CNTN4: variants seen among roughly 807,000 people sequenced by gnomAD.
CNTN4 encodes contactin 4, also known as contactin-4.
Under a neutral mutation model 122.5 loss-of-function variants are expected in CNTN4, and 77 were observed. That is an observed-to-expected ratio of 0.63 (90% CI 0.52 to 0.76). The LOEUF (loss-of-function observed/expected upper bound fraction) is 0.76. Ranked by LOEUF, CNTN4 falls within the 30% of genes least tolerant of loss-of-function variation. CNTN4 has a pLI of 0.00. For missense variants in CNTN4, 1,256 were observed against 1,259.1 expected (o/e 1.00, Z 0.04); for synonymous variants, 512 against 447.0 (o/e 1.15, Z -1.83).
At chr3:2,502,738 C>T (rs1442972962) in intron 3 of CNTN4, among the ~76,000 whole-genome samples, 1 of 152,136 alleles carries the variant, frequency 6.6e-6, no homozygotes, top group Non-Finnish European at 1.5e-5. Context: ...GAAGAAAGGG[C>T]TTTCCATATG....
intron 13 of CNTN4, among the ~76,000 whole-genome samples, chr3:2,987,298 G>A (rs1694668563): frequency 6.6e-6 from 1 of 152,216 alleles, no homozygotes; most frequent in Non-Finnish European, 1.5e-5. Context: ...GCTCCAGCAA[G>A]AAATTTTTTC....
chr3:2,673,747 T>G (rs1409446719), intron 4 of CNTN4, among the ~76,000 whole-genome samples: 1 of 152,116 alleles, frequency 6.6e-6, no homozygotes, highest in Non-Finnish European at 1.5e-5. Context: ...TTTCACCATG[T>G]TAGCCAGGAT....
rs182772627 is a variant in CNTN4 at position 2,426,797 on chromosome 3, C to T, written c.-89+87564C>T. On this transcript the variant is annotated intron_variant, in intron 3 of 24. Transcript: ENST00000418658. ...TTCAACTTCTTCCTGGTTTAGTCTTCGGAGGGTGTATGTGTCCAGAAATTT... is the reference window on the plus strand; with the variant it reads ...TTCAACTTCTTCCTGGTTTAGTCTTTGGAGGGTGTATGTGTCCAGAAATTT... 6.6e-5 allele frequency among the ~76,000 whole-genome samples: 10 copies of T among 151,996 alleles called. 1 individual carries two copies. The highest frequency in any genetic ancestry group is 5.8e-4 in the East Asian group (3 of 5,176).
chr3:2,901,574 T>C (rs556223444), intron 11 of CNTN4, among the ~76,000 whole-genome samples: 1 of 152,266 alleles, frequency 6.6e-6, no homozygotes, highest in South Asian at 2.1e-4. Context: ...ATTGCAGGGG[T>C]ATAGGTACCT....
intron 4 of CNTN4, among the ~76,000 whole-genome samples, chr3:2,632,064 G>GCACA (rs35316929): frequency 0.45 from 64,511 of 143,714 alleles, 14,253 homozygotes; most frequent in East Asian, 0.71. Context: ...ATACACATAC[G>GCACA]CACACACACA....
intron 2 of CNTN4, among the ~76,000 whole-genome samples, chr3:2,310,766 T>C (rs1327983856): frequency 6.6e-6 from 1 of 152,130 alleles, no homozygotes; most frequent in Non-Finnish European, 1.5e-5. Context: ...CTCCACTACC[T>C]AAAACTCACT....
chr3:2,559,006 G>C (rs1002380253), intron 3 of CNTN4, among the ~76,000 whole-genome samples: 1 of 152,188 alleles, frequency 6.6e-6, no homozygotes, highest in Non-Finnish European at 1.5e-5. Context: ...GAACCAGTTA[G>C]TGTTTGCCCG....
chr3:2,664,088 T>G (rs1002131760), intron 4 of CNTN4, among the ~76,000 whole-genome samples: 1 of 152,190 alleles, frequency 6.6e-6, no homozygotes, highest in African/African-American at 2.4e-5. Context: ...AATTTGATTG[T>G]GATGATGGCT....
At chr3:2,971,972 T>C (rs928769674) in intron 13 of CNTN4, among the ~76,000 whole-genome samples, 1 of 152,188 alleles carries the variant, frequency 6.6e-6, no homozygotes, top group Non-Finnish European at 1.5e-5. Flanking sequence ...AAAATTATGC[T>C]GGAGATAGGT....
chr3:2,991,011 T>C (rs1382412632), intron 14 of CNTN4, among the ~76,000 whole-genome samples: 6 of 152,160 alleles, frequency 3.9e-5, no homozygotes, highest in Non-Finnish European at 8.8e-5. Context: ...CAAAGAAAAG[T>C]ACTAAATATG....
chr3:2,212,409 A>T (rs576667378), intron 2 of CNTN4, among the ~76,000 whole-genome samples: 17 of 152,246 alleles, frequency 1.1e-4, no homozygotes, highest in Non-Finnish European at 2.1e-4. Flanking sequence ...TCACAGTTCC[A>T]CATGGCTGGA....
At chr3:2,493,782 G>A (rs1401181721) in intron 3 of CNTN4, among the ~76,000 whole-genome samples, 1 of 152,072 alleles carries the variant, frequency 6.6e-6, no homozygotes, top group Non-Finnish European at 1.5e-5. Context: ...CTATTATGGG[G>A]AGACTTCAGA....
At chr3:2,743,388 G>T (rs930040871) in intron 5 of CNTN4, among the ~76,000 whole-genome samples, 1 of 152,140 alleles carries the variant, frequency 6.6e-6, no homozygotes, top group Non-Finnish European at 1.5e-5. Context: ...AGAGCACAGA[G>T]AATTACTGTG....
chr3:2,395,673 C>A (rs574286876), intron 3 of CNTN4, among the ~76,000 whole-genome samples: 1 of 152,236 alleles, frequency 6.6e-6, no homozygotes, highest in East Asian at 1.9e-4. Flanking sequence ...GCGTCTAGCT[C>A]CCAGTTATAA....
chr3:2,594,834 T>A (rs766831316), intron 4 of CNTN4, among the ~76,000 whole-genome samples: 1 of 152,152 alleles, frequency 6.6e-6, no homozygotes, highest in Non-Finnish European at 1.5e-5. Context: ...ATGTTTGCAT[T>A]TAGAGTAGTT....
At chr3:2,957,949 T>C (rs1577400667) in intron 13 of CNTN4, among the ~76,000 whole-genome samples, 2 of 152,320 alleles carry the variant, frequency 1.3e-5, no homozygotes, top group African/African-American at 4.8e-5. Context: ...TTTGGGTATA[T>C]ATTCAGTAAT....
chr3:2,221,273 A>G (rs1423519506), intron 2 of CNTN4, among the ~76,000 whole-genome samples: 1 of 152,218 alleles, frequency 6.6e-6, no homozygotes, highest in Non-Finnish European at 1.5e-5. Context: ...CCTCTGAGGA[A>G]GTCTGAAAAC....
At chr3:2,575,796 C>T (rs1050032389) in intron 4 of CNTN4, among the ~76,000 whole-genome samples, 5 of 131,796 alleles carry the variant, frequency 3.8e-5, no homozygotes, top group African/African-American at 1.4e-4. Flanking sequence ...ATATATTTTG[C>T]TTTCTTCTTC....
chr3:2,608,770 G>A (rs1054927131), intron 4 of CNTN4, among the ~76,000 whole-genome samples: 26 of 152,240 alleles, frequency 1.7e-4, no homozygotes, highest in Admixed American at 1.2e-3. Flanking sequence ...ACAGGCATGA[G>A]CAACTGCACT....
Sources: gnomAD v4.1 joint callset for allele counts (sites outside exome capture counted in the v4.1 genomes callset) on GRCh38, gnomAD v4.1.1 for gene constraint, MANE v1.5 for transcripts, NCBI Gene and HGNC (gene_info 2026-07-23, HGNC 2026-07-21) for gene names.